Variants in RYR2 observed in about 807,000 individuals in gnomAD.
The protein encoded by RYR2 is ryanodine receptor 2.
RYR2 carries 227 observed loss-of-function variants against 601.1 expected under a neutral mutation model. That is an observed-to-expected ratio of 0.38 (90% CI 0.34 to 0.42). The LOEUF is 0.42. RYR2 is among the 10% of genes least tolerant of loss of function. The pLI is 1.00. For missense variants in RYR2, 4,646 were observed against 6,156.5 expected (o/e 0.75, Z 8.21); for synonymous variants, 2,223 against 2,175.1 (o/e 1.02, Z -0.61).
intron 10 of RYR2, among the ~76,000 whole-genome samples, chr1:237,389,524 G>A (rs1251744879): frequency 6.6e-6 from 1 of 152,178 alleles, no homozygotes; most frequent in East Asian, 1.9e-4. Flanking sequence ...AGTAATTCGT[G>A]TGACAAAATC....
chr1:237,146,873 ATTTC>A (rs1418709078), intron 1 of RYR2, among the ~76,000 whole-genome samples: 1 of 152,160 alleles, frequency 6.6e-6, no homozygotes. Flanking sequence ...TTCTTTTGGA[ATTTC>A]TTTCTGGTTA....
At chr1:237,594,886 G>GTTTTTTTTGTTTTTGT (rs1675642723) in intron 33 of RYR2, among the ~76,000 whole-genome samples, 2 of 60,402 alleles carry the variant, frequency 3.3e-5, no homozygotes, top group African/African-American at 1.9e-4. Context: ...ATATCACTGG[G>GTTTTTTTTGTTTTTGT]TTTTTTTTTT....
intron 48 of RYR2, among the ~76,000 whole-genome samples, chr1:237,645,862 T>A (rs1024429185): frequency 2.6e-5 from 4 of 151,380 alleles, no homozygotes; most frequent in African/African-American, 9.7e-5. Flanking sequence ...ATTTGTTAGA[T>A]CTCTGCTTTT....
chr1:237,251,328 C>A (rs1387014072), intron 1 of RYR2, among the ~76,000 whole-genome samples: 1 of 152,174 alleles, frequency 6.6e-6, no homozygotes, highest in East Asian at 1.9e-4. Flanking sequence ...CATTCTGGAT[C>A]TCTTCCCCAC....
Position 237,217,328 on chromosome 1 carries a change from C to CTT in RYR2, c.49-53157_49-53156dup, listed in dbSNP as rs201492398. On this transcript the variant is annotated intron_variant, in intron 1 of 104. Transcript: ENST00000366574. ...CTTCTTGAGGTTAGGAATTAAAACA[C>CTT]TTTTTTTTTTTTTGGTAATTTTTAA... Among the ~76,000 whole-genome samples, 940 of 146,442 alleles carry CTT rather than the reference C, an allele frequency of 6.4e-3. 9 individuals are homozygous for CTT. Among genetic ancestry groups the CTT allele is most frequent in the African/African-American group, 0.022 (865 of 39,690 alleles).
At chr1:237,461,781 A>G (rs762498710) in intron 16 of RYR2, among the ~76,000 whole-genome samples, 8 of 150,488 alleles carry the variant, frequency 5.3e-5, no homozygotes, top group Non-Finnish European at 8.9e-5. Flanking sequence ...ATCTCTTCCC[A>G]TAATCTACAA....
chr1:237,627,960 C>T lies in RYR2; in HGVS notation c.6320C>T (p.Thr2107Met), dbSNP rs370331492. The T allele has an allele frequency of 4.8e-5, 77 of 1,613,838 alleles. 1 individual carries two copies. The Middle Eastern group carries it at 6.6e-4, about 14-fold the overall frequency. ...GLVRALPKTYTINGVSVEDTI... is the reference protein window; with the variant it reads ...GLVRALPKTYMINGVSVEDTI... ...GTTCGGGCCCTGCCAAAGACCTACA[C>T]GATAAATGGTGTGTCCGTGGAGGAC... The change falls in exon 41 of 105, where the codon ACG becomes ATG. Residue 2107 changes from threonine to methionine, a missense_variant. Physicochemically the swap from Thr to Met is moderately conservative, Grantham distance 81. Coordinates refer to ENST00000366574, the MANE Select transcript of RYR2 (RefSeq NM_001035.3).
At position 237,390,157 on chromosome 1, in the gene RYR2, G is replaced by A. The variant is rs1014806427; in HGVS notation, c.773+1974G>A. On this transcript the variant is annotated intron_variant, in intron 10 of 104. Transcript: ENST00000366574. Reference sequence around the variant, plus strand: ...AAATGCTATGGTGTGTTTATTTGGAGTTAGAGCTTATAAGAGACCATGCCA... The same window carrying A: ...AAATGCTATGGTGTGTTTATTTGGAATTAGAGCTTATAAGAGACCATGCCA... Among the ~76,000 whole-genome samples the A allele has an allele frequency of 1.5e-3, 215 of 146,138 alleles. 1 individual carries two copies. The highest frequency in any genetic ancestry group is 5.7e-3 in the African/African-American group (205 of 35,774).
chr1:237,141,833 G>C (rs1487507011), intron 1 of RYR2, among the ~76,000 whole-genome samples: 1 of 152,124 alleles, frequency 6.6e-6, no homozygotes, highest in East Asian at 1.9e-4. Context: ...CTTCTTCTTG[G>C]CTGGGCACTA....
chr1:237,140,043 A>G (rs537533069), intron 1 of RYR2, among the ~76,000 whole-genome samples: 5 of 152,358 alleles, frequency 3.3e-5, no homozygotes, highest in Admixed American at 2.0e-4. Context: ...TTGAATGTGT[A>G]TGTTTCTGTA....
chr1:237,433,076 T>C (rs892827251), intron 12 of RYR2, among the ~76,000 whole-genome samples: 1 of 151,916 alleles, frequency 6.6e-6, no homozygotes, highest in Non-Finnish European at 1.5e-5. Flanking sequence ...TAGTGTGTGA[T>C]TCTTGTGTAA....
chr1:237,149,460 G>T (rs1263345302), intron 1 of RYR2, among the ~76,000 whole-genome samples: 1 of 152,120 alleles, frequency 6.6e-6, no homozygotes, highest in African/African-American at 2.4e-5. Context: ...TAGCAGTTAG[G>T]CCTCAAAACA....
Position 237,595,677 on chromosome 1 carries a change from A to G in RYR2, c.4596+20A>G. The G allele has an allele frequency of 6.3e-7, 1 of 1,590,640 alleles. No individual in the cohort carries two copies. The highest frequency in any genetic ancestry group is 1.2e-5 in the South Asian group (1 of 85,888). The stretch of plus-strand genomic sequence containing the variant: ...TATCAGGTACGCGGTCAGTGATGAT[A>G]TCAGTCTTCTAGGGAGGAAGACTTC... On this transcript the variant is annotated intron_variant, in intron 34 of 104. Transcript: ENST00000366574.
At chr1:237,812,226 C>T (rs1256167314) in intron 100 of RYR2, among the ~76,000 whole-genome samples, 1 of 152,184 alleles carries the variant, frequency 6.6e-6, no homozygotes, top group African/African-American at 2.4e-5. Context: ...CTCTAAGTTA[C>T]ACTACCTCAC....
chr1:237,831,273 G>GTGTGA, intron 103 of RYR2, among the ~76,000 whole-genome samples: 1 of 152,134 alleles, frequency 6.6e-6, no homozygotes, highest in East Asian at 1.9e-4. Flanking sequence ...GTGTTGATTT[G>GTGTGA]ATTCTGACCA....
intron 95 of RYR2, 21 bp downstream of exon 95, chr1:237,794,018 G>T: frequency 6.3e-7 from 1 of 1,593,552 alleles, no homozygotes; most frequent in South Asian, 1.1e-5. Flanking sequence ...AATTATATGA[G>T]ACTTTCTGCA....
At chr1:237,634,643 T>C (rs1296846328) in intron 43 of RYR2, among the ~76,000 whole-genome samples, 1 of 152,228 alleles carries the variant, frequency 6.6e-6, no homozygotes, top group Non-Finnish European at 1.5e-5. Context: ...AGGTAATATG[T>C]ATGTTAACTA....
At chr1:237,201,474 G>A (rs1681186483) in intron 1 of RYR2, among the ~76,000 whole-genome samples, 2 of 152,098 alleles carry the variant, frequency 1.3e-5, no homozygotes, top group African/African-American at 4.8e-5. Flanking sequence ...TGTTTTTCTG[G>A]CCATTCCAGG....
intron 17 of RYR2, among the ~76,000 whole-genome samples, chr1:237,479,968 G>A (rs780206275): frequency 2.0e-5 from 3 of 152,172 alleles, no homozygotes; most frequent in Non-Finnish European, 4.4e-5. Flanking sequence ...CTGTCTGTAA[G>A]CTCTATGAGA....
Sources: gnomAD v4.1 joint callset for allele counts (sites outside exome capture counted in the v4.1 genomes callset) on GRCh38, gnomAD v4.1.1 for gene constraint, MANE v1.5 for transcripts, NCBI Gene and HGNC (gene_info 2026-07-23, HGNC 2026-07-21) for gene names.